CNTN4: variants seen among roughly 807,000 people sequenced by gnomAD.
CNTN4 encodes the protein contactin-4.
A neutral mutation model predicts 122.5 loss-of-function variants in CNTN4; 77 were observed. The ratio of observed to expected loss-of-function variants is 0.63; its 90% confidence interval spans 0.52 to 0.76. The LOEUF (loss-of-function observed/expected upper bound fraction) is 0.76, where lower values mean the gene tolerates loss of function less well. Among genes scored for constraint, CNTN4 ranks in the 30% least tolerant of loss-of-function variants. The probability of loss-of-function intolerance (pLI) is 0.00; values close to 1 mark genes in which losing one functional copy is unlikely to be tolerated. For synonymous variants in CNTN4, 512 were observed against 447.0 expected, an observed-to-expected ratio of 1.15 and a Z score of -1.83; for missense variants, 1,256 against 1,259.1, an observed-to-expected ratio of 1.00 and a Z score of 0.04.
At chr3:2,881,884 A>G (rs759547707) in intron 8 of CNTN4, among the ~76,000 whole-genome samples, 5 of 152,154 alleles carry the variant, frequency 3.3e-5, no homozygotes, top group Non-Finnish European at 5.9e-5. Flanking sequence ...TCCTCTGACT[A>G]TGGGAAGCCT....
chr3:2,108,466 CT>C (rs1296324367), intron 2 of CNTN4, among the ~76,000 whole-genome samples: 1 of 152,092 alleles, frequency 6.6e-6, no homozygotes, highest in Non-Finnish European at 1.5e-5. Flanking sequence ...CCAGGAAAGT[CT>C]TGATCAAGCC....
rs145705461 is a variant in CNTN4 at position 2,571,357 on chromosome 3, C to G, written c.-88-59C>G. 2.4e-3 allele frequency: 1,631 copies of G among 692,666 alleles called. 6 individuals carry two copies. The highest frequency in any genetic ancestry group is 3.3e-3 in the Non-Finnish European group (1,261 of 378,066). 42.9% of individuals were successfully genotyped at this position (692,666 alleles called of 1,614,324 possible). A position where few individuals can be genotyped will look rare whatever the true frequency, so the allele number is the denominator to read the frequency against. ...TGATATTTGAGTAAAGATAAACTTGCAGAGACCACAAGGAGAAATATTCCC... is the reference window on the plus strand; with the variant it reads ...TGATATTTGAGTAAAGATAAACTTGGAGAGACCACAAGGAGAAATATTCCC... On this transcript the variant is annotated intron_variant, in intron 3 of 24. Coordinates refer to ENST00000418658, the MANE Select transcript of CNTN4 (RefSeq NM_175607.3).
intron 2 of CNTN4, among the ~76,000 whole-genome samples, chr3:2,233,929 A>G (rs1008636995): frequency 6.6e-6 from 1 of 152,204 alleles, no homozygotes; most frequent in Non-Finnish European, 1.5e-5. Context: ...AAATCAAACA[A>G]AAAAATCACC....
chr3:2,165,752 T>C (rs1305025597), intron 2 of CNTN4, among the ~76,000 whole-genome samples: 1 of 152,004 alleles, frequency 6.6e-6, no homozygotes, highest in Non-Finnish European at 1.5e-5. Context: ...GTTCAACTCT[T>C]TTGGATTCCA....
intron 12 of CNTN4, among the ~76,000 whole-genome samples, chr3:2,918,623 T>C (rs1255299336): frequency 6.6e-6 from 1 of 152,196 alleles, no homozygotes; most frequent in Non-Finnish European, 1.5e-5. Context: ...ACCACAGAAA[T>C]TGGCAAGGAC....
rs750041748 is a variant in CNTN4 at position 3,053,854 on chromosome 3, A to C, written c.2859A>C (p.Thr953=). 2 of 1,614,244 alleles carry C rather than the reference A, an allele frequency of 1.2e-6. No homozygotes were observed. Among genetic ancestry groups the C allele is most frequent in the Admixed American group, 1.7e-5 (1 of 60,032 alleles). The change falls in exon 24 of 25, where the codon ACA becomes ACC. Residue 953 remains threonine, a synonymous_variant. Coordinates refer to ENST00000418658, the MANE Select transcript of CNTN4 (RefSeq NM_175607.3). ...NRQSSTSVIE[T]NKTSVELSLP... ...AAAGCAGCACATCTGTCATTGAAACAAATAAAACATCGGTGGAGCTTTCTT... is the reference window on the plus strand; with the variant it reads ...AAAGCAGCACATCTGTCATTGAAACCAATAAAACATCGGTGGAGCTTTCTT...
intron 6 of CNTN4, among the ~76,000 whole-genome samples, chr3:2,775,192 G>T (rs1377223981): frequency 6.6e-6 from 1 of 152,088 alleles, no homozygotes; most frequent in Non-Finnish European, 1.5e-5. Flanking sequence ...ACTCTTTTAG[G>T]GAATTGCATT....
At chr3:2,248,661 G>T (rs907985039) in intron 2 of CNTN4, among the ~76,000 whole-genome samples, 9 of 151,900 alleles carry the variant, frequency 5.9e-5, no homozygotes, top group Admixed American at 1.3e-4. Context: ...TTTTGCCTTG[G>T]CCATTCATCA....
intron 7 of CNTN4, among the ~76,000 whole-genome samples, chr3:2,865,807 G>A (rs1171522378): frequency 1.3e-5 from 2 of 152,106 alleles, no homozygotes; most frequent in African/African-American, 4.8e-5. Flanking sequence ...GGAAAGCATG[G>A]GCTCATGTGG....
At chr3:2,988,585 C>A in intron 14 of CNTN4, 113 bp downstream of exon 14, 1 of 1,087,974 alleles carries the variant, frequency 9.2e-7, no homozygotes, top group Non-Finnish European at 1.4e-6. Flanking sequence ...CACTGTATTG[C>A]TAAATTAATT....
intron 4 of CNTN4, among the ~76,000 whole-genome samples, chr3:2,665,673 C>G (rs2084117040): frequency 6.6e-6 from 1 of 152,144 alleles, no homozygotes; most frequent in Non-Finnish European, 1.5e-5. Flanking sequence ...TAGGGGACCA[C>G]TCTTGGCCCT....
intron 2 of CNTN4, among the ~76,000 whole-genome samples, chr3:2,260,604 CCTGCTATAAATTT>C: frequency 6.6e-6 from 1 of 152,122 alleles, no homozygotes; most frequent in African/African-American, 2.4e-5. Context: ...CATACAGATT[CCTGCTATAAATTT>C]CTTGCTTTTG....
rs929736696 is a variant in CNTN4 at position 2,866,950 on chromosome 3, G to A, written c.652+1G>A. The A allele has an allele frequency of 2.5e-6, 4 of 1,613,164 alleles. No homozygotes were observed. The highest frequency in any genetic ancestry group is 2.7e-5 in the African/African-American group (2 of 74,904). On this transcript the variant is annotated splice_donor_variant, in intron 8 of 24. Coordinates refer to ENST00000418658, the MANE Select transcript of CNTN4 (RefSeq NM_175607.3). LOFTEE classifies it high-confidence loss of function. Reference sequence around the variant, plus strand: ...ACACCACTAATATTGAGAAATGATGGTGAGTTTTCAAGTAATTTTGTTAAT... The same window carrying A: ...ACACCACTAATATTGAGAAATGATGATGAGTTTTCAAGTAATTTTGTTAAT...
intron 24 of CNTN4, among the ~76,000 whole-genome samples, chr3:3,055,420 A>T (rs560444246): frequency 6.6e-6 from 1 of 152,354 alleles, no homozygotes; most frequent in African/African-American, 2.4e-5. Flanking sequence ...CAAGGAAGTG[A>T]CTGTGAACCA....
chr3:2,494,372 T>G (rs2076397542), intron 3 of CNTN4, among the ~76,000 whole-genome samples: 1 of 152,144 alleles, frequency 6.6e-6, no homozygotes, highest in South Asian at 2.1e-4. Flanking sequence ...TTACAGGTAA[T>G]GGGTAGATTT....
rs1258701696 is a variant in CNTN4 at position 2,709,215 on chromosome 3, CTA to C, written c.56-26998_56-26997del. On this transcript the variant is annotated intron_variant, in intron 4 of 24. Transcript: ENST00000418658. This position sits in a 1 kb window ranked among gnomAD's most constrained non-coding sequence, Gnocchi z 5.0. ...AACCAAATTTTATTGGTAAAAATAACTATTTCTTTTAGAATAAAGAATGTATT... is the reference window on the plus strand; with the variant it reads ...AACCAAATTTTATTGGTAAAAATAACTTTCTTTTAGAATAAAGAATGTATT... 6.6e-6 allele frequency among the ~76,000 whole-genome samples: 1 copy of C among 152,154 alleles called. No individual in the cohort carries two copies. Among genetic ancestry groups the C allele is most frequent in the African/African-American group, 2.4e-5 (1 of 41,434 alleles).
At chr3:2,481,291 C>T (rs144169903) in intron 3 of CNTN4, among the ~76,000 whole-genome samples, 3,183 of 152,006 alleles carry the variant, frequency 0.021, 63 homozygotes, top group Non-Finnish European at 0.029. Flanking sequence ...CAGGTGCACG[C>T]CACCATGTCC....
At chr3:2,656,242 A>G (rs2083586860) in intron 4 of CNTN4, among the ~76,000 whole-genome samples, 3 of 152,246 alleles carry the variant, frequency 2.0e-5, no homozygotes, top group Non-Finnish European at 4.4e-5. Flanking sequence ...AATATTTCCA[A>G]GAGAGAAAAA....
chr3:2,161,805 A>T (rs918496541), intron 2 of CNTN4, among the ~76,000 whole-genome samples: 1 of 152,178 alleles, frequency 6.6e-6, no homozygotes, highest in Non-Finnish European at 1.5e-5. Context: ...TGTGTATGTT[A>T]GAGTTGAGGA....
Sources: allele counts gnomAD v4.1 joint callset (sites outside exome capture counted in the v4.1 genomes callset), GRCh38; gene constraint gnomAD v4.1.1; non-coding constraint Gnocchi (gnomAD v3.1); transcripts MANE v1.5; gene names NCBI Gene and HGNC (gene_info 2026-07-23, HGNC 2026-07-21).